Variants in NDUFAF6 observed in about 807,000 individuals in gnomAD.
NDUFAF6 encodes the protein NADH:ubiquinone oxidoreductase complex assembly factor 6, also known as NADH dehydrogenase (ubiquinone) complex I, assembly factor 6.
In NDUFAF6, 45 loss-of-function variants were observed where a neutral mutation model predicts 40.8. The observed-to-expected ratio is 1.10, with a 90% CI of 0.87 to 1.42. The LOEUF is 1.42. NDUFAF6 is among the 40% of genes most tolerant of loss of function. The pLI is 0.00. For synonymous variants in NDUFAF6, 185 were observed against 155.9 expected, an observed-to-expected ratio of 1.19 and a Z score of -1.39; for missense variants, 435 against 418.5, an observed-to-expected ratio of 1.04 and a Z score of -0.34.
At chr8:94,934,615 C>T (rs964440009) in intron 1 of NDUFAF6, among the ~76,000 whole-genome samples, 1 of 151,996 alleles carries the variant, frequency 6.6e-6, no homozygotes, top group Non-Finnish European at 1.5e-5. Flanking sequence ...CTCCTGACCT[C>T]GTGATCCACC....
At chr8:95,115,125 T>G (rs1810103246) in intron 4 of NDUFAF6, among the ~76,000 whole-genome samples, 1 of 152,172 alleles carries the variant, frequency 6.6e-6, no homozygotes, top group Non-Finnish European at 1.5e-5. Flanking sequence ...AATCATGTAC[T>G]CAACTTGCCA....
intron 1 of NDUFAF6, chr8:94,940,196 TCTG>T: frequency 1.9e-6 from 3 of 1,611,436 alleles, no homozygotes; most frequent in Non-Finnish European, 2.5e-6. Context: ...TTCTTCTTCT[TCTG>T]CTGAGAAACC....
At chr8:95,098,318 A>G (rs1809535186), upstream of NDUFAF6, among the ~76,000 whole-genome samples, 1 of 150,854 alleles carries the variant, frequency 6.6e-6, no homozygotes, top group African/African-American at 2.4e-5. Flanking sequence ...GGATCACCTG[A>G]GGTCAGGAGT....
At chr8:95,078,662 A>ATAC (rs1554689343), downstream of NDUFAF6, 1 of 121,052 alleles carries the variant, frequency 8.3e-6, no homozygotes, top group African/African-American at 3.3e-5. Context: ...AAAAAAAAAA[A>ATAC]ATATATATAT....
chr8:94,984,367 TA>T (rs1460593791), intron 2 of NDUFAF6, among the ~76,000 whole-genome samples: 3 of 152,212 alleles, frequency 2.0e-5, no homozygotes, highest in Non-Finnish European at 4.4e-5. Flanking sequence ...GTAAATTACC[TA>T]AATGATTTGG....
At chr8:94,974,031 AAAT>A in intron 1 of NDUFAF6, among the ~76,000 whole-genome samples, 1 of 152,232 alleles carries the variant, frequency 6.6e-6, no homozygotes, top group African/African-American at 2.4e-5. Flanking sequence ...TGAGGAAAAC[AAAT>A]AATGTCTTTA....
intron 1 of NDUFAF6, among the ~76,000 whole-genome samples, chr8:94,966,699 A>G (rs1218610595): frequency 6.6e-6 from 1 of 152,218 alleles, no homozygotes; most frequent in Non-Finnish European, 1.5e-5. Flanking sequence ...TCTTGGCTTC[A>G]TTAGACACTC....
At chr8:95,093,066 C>A (rs372622245) in intron 2 of NDUFAF6, among the ~76,000 whole-genome samples, 3 of 134,414 alleles carry the variant, frequency 2.2e-5, no homozygotes, top group South Asian at 2.2e-4. Context: ...AGTTCATAAC[C>A]ATAGTGCTCA....
At chr8:94,968,051 C>T (rs1383791584) in intron 1 of NDUFAF6, among the ~76,000 whole-genome samples, 3 of 152,066 alleles carry the variant, frequency 2.0e-5, no homozygotes, top group Admixed American at 6.5e-5. Context: ...GGCCCCAGGT[C>T]GCTGCTGGCT....
chr8:95,054,736 C>T (rs549217840), intron 8 of NDUFAF6, among the ~76,000 whole-genome samples: 2 of 152,190 alleles, frequency 1.3e-5, no homozygotes, highest in Non-Finnish European at 2.9e-5. Flanking sequence ...TGCCCAGCCC[C>T]AGCTCTCAGT....
chr8:94,964,266 A>G (rs919844007), intron 1 of NDUFAF6, among the ~76,000 whole-genome samples: 1 of 152,144 alleles, frequency 6.6e-6, no homozygotes, highest in Middle Eastern at 3.4e-3. Flanking sequence ...CATCTCTACA[A>G]AAAAATTTAA....
intron 1 of NDUFAF6, among the ~76,000 whole-genome samples, chr8:94,976,232 G>A (rs1394924163): frequency 6.8e-3 from 3 of 444 alleles, no homozygotes; most frequent in East Asian, 0.05. Context: ...GGGCCGGGTG[G>A]TGGTGGCTCA....
chr8:95,055,075 A>G (rs1342099473), intron 8 of NDUFAF6: 4 of 152,196 alleles, frequency 2.6e-5, no homozygotes, highest in Non-Finnish European at 4.4e-5. Context: ...TGATGTAAAA[A>G]TACCCACTTG....
At chr8:95,005,796 A>T (rs2131658562) in intron 2 of NDUFAF6, among the ~76,000 whole-genome samples, 1 of 151,900 alleles carries the variant, frequency 6.6e-6, no homozygotes, top group African/African-American at 2.4e-5. Context: ...TCTCAAAGAT[A>T]GAATGTCTCC....
At chr8:94,903,149 C>T (rs926950160) in intron 1 of NDUFAF6, among the ~76,000 whole-genome samples, 5 of 152,078 alleles carry the variant, frequency 3.3e-5, no homozygotes, top group African/African-American at 1.2e-4. Flanking sequence ...ACAGGAGGAT[C>T]GATTGAGCCT....
At chr8:94,961,981 T>G (rs553173380) in intron 1 of NDUFAF6, among the ~76,000 whole-genome samples, 1 of 152,290 alleles carries the variant, frequency 6.6e-6, no homozygotes, top group South Asian at 2.1e-4. Flanking sequence ...GCCCAAGAAT[T>G]TTCTCATTCA....
intron 1 of NDUFAF6, among the ~76,000 whole-genome samples, chr8:94,912,745 G>A (rs923535119): frequency 2.0e-5 from 3 of 151,720 alleles, no homozygotes; most frequent in Non-Finnish European, 2.9e-5. Flanking sequence ...CCCGGGAGGC[G>A]GAGCTTGCAG....
intron 9 of NDUFAF6, among the ~76,000 whole-genome samples, chr8:95,064,784 G>A (rs1001058154): frequency 7.2e-5 from 11 of 152,034 alleles, no homozygotes; most frequent in Non-Finnish European, 1.2e-4. Context: ...CATTTCAGAA[G>A]GGGTGCTGCC....
chr8:95,101,937 CAA>C (rs1416941560), intron 2 of NDUFAF6, among the ~76,000 whole-genome samples: 2 of 152,164 alleles, frequency 1.3e-5, no homozygotes, highest in African/African-American at 4.8e-5. Flanking sequence ...ACAGTTCCAT[CAA>C]GAGAGAGCAG....
Sources: gnomAD v4.1 joint callset for allele counts (sites outside exome capture counted in the v4.1 genomes callset) on GRCh38, gnomAD v4.1.1 for gene constraint, MANE v1.5 for transcripts, NCBI Gene and HGNC (gene_info 2026-07-23, HGNC 2026-07-21) for gene names.